The following SLAIN2 variants were observed in gnomAD, a reference collection of about 807,000 sequenced individuals.
The protein encoded by SLAIN2 is SLAIN family member 2, also known as SLAIN motif-containing protein 2.
Under a neutral mutation model 56.6 loss-of-function variants are expected in SLAIN2, and 31 were observed. The ratio of observed to expected loss-of-function variants is 0.55; its 90% CI spans 0.41 to 0.74. The LOEUF is 0.74. Ranked by LOEUF, SLAIN2 falls within the 30% of genes least tolerant of loss-of-function variation. The pLI is 0.00. For missense variants in SLAIN2, 777 were observed against 754.2 expected, an observed-to-expected ratio of 1.03 and a Z score of -0.35; for synonymous variants, 317 against 284.9, an observed-to-expected ratio of 1.11 and a Z score of -1.13.
chr4:48,422,179 A>C lies in SLAIN2; in HGVS notation c.*102A>C. On this transcript the variant is annotated 3_prime_UTR_variant, in exon 8 of 8. Transcript: ENST00000264313. ...AGACTGTTCAGATAAGACTCTTGGG[A>C]TTTATAAAATCCCAGCCCTCTCTGT... The C allele has an allele frequency of 1.2e-6, 1 of 857,996 alleles. No homozygotes were observed. The highest frequency in any genetic ancestry group is 1.9e-6 in the Non-Finnish European group (1 of 537,960). 53.1% of individuals were successfully genotyped at this position (857,996 alleles called of 1,614,324 possible).
At chr4:48,410,972 T>G (rs990038984) in intron 6 of SLAIN2, among the ~76,000 whole-genome samples, 3 of 152,156 alleles carry the variant, frequency 2.0e-5, no homozygotes, top group Admixed American at 6.5e-5. Context: ...CTCTTCCTCC[T>G]CCTCTTCCCT....
intron 6 of SLAIN2, among the ~76,000 whole-genome samples, chr4:48,387,008 C>T (rs1269681166): frequency 2.0e-5 from 3 of 152,156 alleles, no homozygotes; most frequent in Non-Finnish European, 4.4e-5. Context: ...AAGATGCTTT[C>T]ATATTTAGTT....
At chr4:48,401,095 G>T (rs1171960857) in intron 6 of SLAIN2, among the ~76,000 whole-genome samples, 1 of 152,162 alleles carries the variant, frequency 6.6e-6, no homozygotes, top group Non-Finnish European at 1.5e-5. Context: ...ATGTAGTTGT[G>T]TGGTTTTGAG....
chr4:48,400,460 A>C (rs1235321141), intron 6 of SLAIN2, among the ~76,000 whole-genome samples: 1 of 142,892 alleles, frequency 7.0e-6, no homozygotes, highest in Non-Finnish European at 1.5e-5. Context: ...GCAGTGGCAT[A>C]ATCTTGGCTC....
At chr4:48,347,454 G>A (rs1325632678) in intron 1 of SLAIN2, among the ~76,000 whole-genome samples, 1 of 151,328 alleles carries the variant, frequency 6.6e-6, no homozygotes, top group Admixed American at 6.6e-5. Context: ...TCACTATGTT[G>A]CCCAGGCTGG....
chr4:48,381,655 C>G (rs571153304), intron 4 of SLAIN2, among the ~76,000 whole-genome samples: 3 of 152,114 alleles, frequency 2.0e-5, no homozygotes, highest in Non-Finnish European at 4.4e-5. Flanking sequence ...TTAAAGATAC[C>G]CTAGGGTGAT....
chr4:48,381,488 A>G (rs1438455283), intron 4 of SLAIN2, among the ~76,000 whole-genome samples: 2 of 152,258 alleles, frequency 1.3e-5, no homozygotes, highest in East Asian at 1.9e-4. Flanking sequence ...GCAAGCTCCT[A>G]TAGTGATCCA....
At chr4:48,393,632 G>T (rs1716290452) in intron 6 of SLAIN2, among the ~76,000 whole-genome samples, 1 of 152,162 alleles carries the variant, frequency 6.6e-6, no homozygotes, top group Non-Finnish European at 1.5e-5. Flanking sequence ...TAGGTTTAGA[G>T]TGACAAGAGC....
intron 6 of SLAIN2, among the ~76,000 whole-genome samples, chr4:48,413,412 G>C (rs1716916915): frequency 6.6e-6 from 1 of 152,094 alleles, no homozygotes; most frequent in African/African-American, 2.4e-5. Flanking sequence ...GAAGTGAGAG[G>C]GTTAGAGTAC....
At chr4:48,388,662 C>A (rs541667403) in intron 6 of SLAIN2, among the ~76,000 whole-genome samples, 13 of 152,304 alleles carry the variant, frequency 8.5e-5, no homozygotes, top group Non-Finnish European at 8.8e-5. Context: ...TTCCCAGCTC[C>A]TCCCTGAGTC....
At chr4:48,370,378 A>G (rs1035820394) in intron 2 of SLAIN2, among the ~76,000 whole-genome samples, 4 of 152,216 alleles carry the variant, frequency 2.6e-5, no homozygotes, top group African/African-American at 9.6e-5. Context: ...GTGGAGAGCT[A>G]CAGAGACCTT....
intron 1 of SLAIN2, among the ~76,000 whole-genome samples, chr4:48,346,995 G>A (rs1267908779): frequency 6.6e-6 from 1 of 151,396 alleles, no homozygotes; most frequent in East Asian, 1.9e-4. Context: ...TGTTAGCAGT[G>A]GTTTTCCAGT....
intron 1 of SLAIN2, among the ~76,000 whole-genome samples, chr4:48,354,905 TTC>T (rs1715117230): frequency 2.0e-5 from 3 of 150,284 alleles, no homozygotes; most frequent in Non-Finnish European, 4.5e-5. Flanking sequence ...TTTTCTTTTT[TTC>T]TTTTTTTTTG....
At position 48,385,748 on chromosome 4, in the gene SLAIN2, G is replaced by A. The variant is rs542338328; in HGVS notation, c.1360+1964G>A. On this transcript the variant is annotated intron_variant, in intron 6 of 7. Coordinates refer to ENST00000264313, the MANE Select transcript of SLAIN2 (RefSeq NM_020846.2). ...TCCTGGGCTCAAGTGATCCTCCTGC[G>A]TAGCTGGGACCACAGGCGTGCACCA... Among the ~76,000 whole-genome samples the A allele has an allele frequency of 1.9e-4, 29 of 151,100 alleles. No individual in the cohort carries two copies. The East Asian group carries it at 3.3e-3, about 17-fold the overall frequency.
intron 6 of SLAIN2, among the ~76,000 whole-genome samples, chr4:48,395,107 T>C (rs1716343902): frequency 6.6e-6 from 1 of 152,188 alleles, no homozygotes; most frequent in African/African-American, 2.4e-5. Flanking sequence ...TTGATAGGTC[T>C]GGAATGTTTA....
chr4:48,368,368 G>A (rs1715581266), intron 1 of SLAIN2, among the ~76,000 whole-genome samples: 1 of 151,998 alleles, frequency 6.6e-6, no homozygotes, highest in Non-Finnish European at 1.5e-5. Flanking sequence ...GCCCTGCTTT[G>A]CACTTTTTAA....
chr4:48,369,710 A>T, intron 1 of SLAIN2, 139 bp from the exon 2 acceptor site: 1 of 683,084 alleles, frequency 1.5e-6, no homozygotes, highest in Non-Finnish European at 2.3e-6. Context: ...CCTGTGCAGT[A>T]AGTAAATGTG....
intron 6 of SLAIN2, among the ~76,000 whole-genome samples, chr4:48,412,442 T>C (rs1716889950): frequency 6.6e-6 from 1 of 151,244 alleles, no homozygotes; most frequent in African/African-American, 2.4e-5. Context: ...TCTCTCTGTG[T>C]CTCAGCTTTG....
At chr4:48,379,667 T>G in intron 3 of SLAIN2, 23 bp from the exon 4 acceptor site, 3 of 1,388,788 alleles carry the variant, frequency 2.2e-6, no homozygotes, top group Non-Finnish European at 2.8e-6. Context: ...GAGTTTGAAT[T>G]TTTTTCTTTT....
Sources: gnomAD v4.1 joint callset for allele counts (sites outside exome capture counted in the v4.1 genomes callset) on GRCh38, gnomAD v4.1.1 for gene constraint, MANE v1.5 for transcripts, NCBI Gene and HGNC (gene_info 2026-07-23, HGNC 2026-07-21) for gene names.